Variants in TENM1 observed in about 807,000 individuals in gnomAD.
TENM1 encodes teneurin transmembrane protein 1.
TENM1 carries 35 observed loss-of-function variants against 174.8 expected under a neutral mutation model. The ratio of observed to expected loss-of-function variants is 0.20; its 90% CI spans 0.15 to 0.27. The LOEUF (loss-of-function observed/expected upper bound fraction) is 0.27, where lower values mean the gene tolerates loss of function less well. Ranked by LOEUF, TENM1 falls within the 10% of genes least tolerant of loss-of-function variation. The pLI is 1.00. For missense variants in TENM1, 1,633 were observed against 2,130.1 expected (o/e 0.77, Z 4.59); for synonymous variants, 781 against 798.7 (o/e 0.98, Z 0.37).
At chrX:125,106,915 C>T in the TENM1 span, among the ~76,000 whole-genome samples, 1 of 111,648 alleles carries the variant, frequency 9.0e-6, no homozygotes, top group Non-Finnish European at 1.9e-5. Context: ...ACAGAAATGC[C>T]AGTTAGTTAA....
the TENM1 span, among the ~76,000 whole-genome samples, chrX:125,090,429 T>C: frequency 2.8e-5 from 3 of 108,978 alleles, no homozygotes; most frequent in Non-Finnish European, 5.7e-5. Flanking sequence ...GTGCATCGCT[T>C]GAGGCCAGGA....
At chrX:124,714,062 A>T (rs970401253) in intron 4 of TENM1, among the ~76,000 whole-genome samples, 1 of 112,078 alleles carries the variant, frequency 8.9e-6, no homozygotes, top group Non-Finnish European at 1.9e-5. Context: ...CTTACTGAAC[A>T]TCTATTATGT....
At chrX:124,422,598 A>G (rs2060666585) in exon 24 of TENM1, 3 of 1,210,692 alleles carry the variant, frequency 2.5e-6, no homozygotes, top group Non-Finnish European at 3.4e-6. Flanking sequence ...TGAATTGTCC[A>G]TAGGATTTAC....
intron 1 of TENM1, among the ~76,000 whole-genome samples, chrX:124,925,140 T>G (rs1321086830): frequency 9.2e-6 from 1 of 108,704 alleles, no homozygotes; most frequent in Non-Finnish European, 1.9e-5. Context: ...CTGCATAGGG[T>G]ACCTTATATC....
chrX:124,580,850 A>G (rs964834645), intron 11 of TENM1, among the ~76,000 whole-genome samples: 5 of 110,057 alleles, frequency 4.5e-5, no homozygotes, highest in Non-Finnish European at 9.5e-5. Flanking sequence ...ACTACCCAAC[A>G]GCTAGTTTTC....
At chrX:124,906,370 T>C (rs772041793) in intron 1 of TENM1, among the ~76,000 whole-genome samples, 2 of 112,261 alleles carry the variant, frequency 1.8e-5, no homozygotes. Context: ...CATTGTAAGT[T>C]GGGGACTGTC....
At chrX:125,137,703 C>T in the TENM1 span, among the ~76,000 whole-genome samples, 4 of 111,625 alleles carry the variant, frequency 3.6e-5, no homozygotes, top group South Asian at 1.5e-3. Context: ...GCATGAGAAC[C>T]ATGCTGAACA....
At chrX:124,378,282 T>G (rs958790067) in exon 32 of TENM1, 12 of 112,612 alleles carry the variant, frequency 1.1e-4, no homozygotes, top group Non-Finnish European at 1.9e-4. Context: ...AAACGTATAA[T>G]TGCTTAAAAT....
At chrX:124,432,758 TTAGAATAC>T (rs1179310847) in intron 23 of TENM1, among the ~76,000 whole-genome samples, 1 of 111,685 alleles carries the variant, frequency 9.0e-6, no homozygotes, top group African/African-American at 3.3e-5. Flanking sequence ...ACATTGCTGT[TTAGAATAC>T]AAGACATTCC....
At chrX:124,525,338 G>A (rs1408929833) in intron 16 of TENM1, among the ~76,000 whole-genome samples, 1 of 111,976 alleles carries the variant, frequency 8.9e-6, no homozygotes, top group Middle Eastern at 4.2e-3. Context: ...TAAGACAGAG[G>A]GTCTGAATTC....
chrX:124,799,743 A>G (rs1361282086), intron 3 of TENM1, among the ~76,000 whole-genome samples: 2 of 111,665 alleles, frequency 1.8e-5, no homozygotes, highest in African/African-American at 3.3e-5. Flanking sequence ...TGGGTTTGTC[A>G]TAAGTAGCTC....
At chrX:124,465,485 C>G (rs1390468509) in intron 22 of TENM1, among the ~76,000 whole-genome samples, 1 of 111,445 alleles carries the variant, frequency 9.0e-6, no homozygotes, top group African/African-American at 3.3e-5. Flanking sequence ...CTCCTGGGCT[C>G]AAGTGATCCT....
chrX:125,085,287 G>A, the TENM1 span, among the ~76,000 whole-genome samples: 1 of 110,583 alleles, frequency 9.0e-6, no homozygotes, highest in African/African-American at 3.3e-5. Flanking sequence ...GTACTGTAAT[G>A]TTTGTAATGT....
intron 23 of TENM1, among the ~76,000 whole-genome samples, chrX:124,432,178 A>G (rs956020700): frequency 8.9e-6 from 1 of 111,864 alleles, no homozygotes; most frequent in Non-Finnish European, 1.9e-5. Context: ...AATAAGGGCC[A>G]TCGCTCTTTT....
chrX:124,471,343 A>T lies in TENM1; in HGVS notation c.3949+10389T>A, dbSNP rs1246170762. Among the ~76,000 whole-genome samples, 21 of 9,130 alleles carry T rather than the reference A, an allele frequency of 2.3e-3. 1 individual carries two copies. Among genetic ancestry groups the T allele is most frequent in the African/African-American group, 3.5e-3 (8 of 2,287 alleles). 7.9% of individuals were successfully genotyped at this position (9,130 alleles called of 115,157 possible). A position where few individuals can be genotyped will look rare whatever the true frequency, so the allele number is the denominator to read the frequency against. Reference sequence around the variant, plus strand: ...TATTATAATATATAGTACTATATATAATATATATTATAATATATAGTACTA... The same window carrying T: ...TATTATAATATATAGTACTATATATTATATATATTATAATATATAGTACTA... On this transcript the variant is annotated intron_variant, in intron 22 of 31. Coordinates refer to ENST00000422452, the Ensembl canonical transcript of TENM1.
the TENM1 span, among the ~76,000 whole-genome samples, chrX:125,055,788 A>T: frequency 1.8e-5 from 2 of 111,589 alleles, no homozygotes; most frequent in African/African-American, 6.5e-5. Context: ...AACATAAGTG[A>T]ATCGACGTTG....
chrX:124,859,964 T>C (rs1195122192), intron 3 of TENM1, among the ~76,000 whole-genome samples: 1 of 112,029 alleles, frequency 8.9e-6, no homozygotes, highest in Non-Finnish European at 1.9e-5. Context: ...AGGAAAGAAA[T>C]AATGCTAAAT....
the TENM1 span, among the ~76,000 whole-genome samples, chrX:125,048,124 T>C: frequency 8.9e-6 from 1 of 111,837 alleles, no homozygotes. Context: ...TTCTTTTTCT[T>C]GAGTAGACTC....
At chrX:124,661,605 G>A (rs1261701983) in intron 6 of TENM1, among the ~76,000 whole-genome samples, 7 of 111,672 alleles carry the variant, frequency 6.3e-5, no homozygotes, top group Non-Finnish European at 5.6e-5. Context: ...TTTGGATGGT[G>A]GCAGGATGGC....
Sources: allele counts gnomAD v4.1 joint callset (sites outside exome capture counted in the v4.1 genomes callset), GRCh38; gene constraint gnomAD v4.1.1; transcripts MANE v1.5; gene names NCBI Gene and HGNC (gene_info 2026-07-23, HGNC 2026-07-21).